Variants in NPAP1 observed in about 807,000 individuals in gnomAD.
The protein encoded by NPAP1 is nuclear pore associated protein 1.
For missense variants in NPAP1, 1,483 were observed against 1,454.5 expected (o/e 1.02, Z -0.32); for synonymous variants, 616 against 581.4 (o/e 1.06, Z -0.86).
At position 24,676,265 on chromosome 15, in the gene NPAP1, C is replaced by T. The variant is rs144485323; in HGVS notation, c.398C>T (p.Pro133Leu). Residue 133 changes from proline (P) to leucine (L), a missense_variant, in exon 1 of 1, where the codon CCG becomes CTG. Coordinates refer to ENST00000329468, the MANE Select transcript of NPAP1 (RefSeq NM_018958.3). ...CTCCTGCTGCCTTCACCACGTGAGCCGGCGGTCAAGGCCAGGAAGCCCATC... is the reference window on the plus strand; with the variant it reads ...CTCCTGCTGCCTTCACCACGTGAGCTGGCGGTCAAGGCCAGGAAGCCCATC... ...FTLLLPSPREPAVKARKPIPA... is the reference protein window; with the variant it reads ...FTLLLPSPRELAVKARKPIPA... 1.1e-4 allele frequency: 160 copies of T among 1,519,118 alleles called. No individual in the cohort carries two copies. Among genetic ancestry groups the T allele is most frequent in the African/African-American group, 6.0e-4 (43 of 71,752 alleles). 94.1% of individuals were successfully genotyped at this position (1,519,118 alleles called of 1,614,324 possible).
chr15:24,682,665 TTA>T lies in NPAP1; in HGVS notation c.*3329_*3330del, dbSNP rs1245430843. ...TGAGTTTGCTTTTTTACTTCAACTA[TTA>T]TGTTATCTTACAGATGTCATTGTTT... On this transcript the variant is annotated 3_prime_UTR_variant, in exon 1 of 1. Transcript: ENST00000329468. 7.8e-5 allele frequency: 13 copies of T among 167,074 alleles called. No individual in the cohort carries two copies. Among genetic ancestry groups the T allele is most frequent in the Non-Finnish European group, 1.5e-4 (10 of 68,110 alleles). 10.3% of individuals were successfully genotyped at this position (167,074 alleles called of 1,614,324 possible).
chr15:24,677,123 A>G lies in NPAP1; in HGVS notation c.1256A>G (p.Gln419Arg), dbSNP rs2141309642. The G allele has an allele frequency of 6.2e-7, 1 of 1,614,056 alleles. No homozygotes were observed. Among genetic ancestry groups the G allele is most frequent in the African/African-American group, 1.3e-5 (1 of 75,016 alleles). The change falls in exon 1 of 1, where the codon CAG becomes CGG. Residue 419 changes from glutamine (Q) to arginine (R), a missense_variant. Transcript: ENST00000329468. ...DSLPLTTYTSQVSAPLPIPDL... is the reference protein window; with the variant it reads ...DSLPLTTYTSRVSAPLPIPDL... ...CTGCCCCTGACCACTTACACTTCCC[A>G]GGTCTCAGCTCCTTTGCCCATCCCT...
rs768691455 is a variant in NPAP1, at chr15:24,676,150, A to G, written c.283A>G (p.Arg95Gly). ...LPAVGWGLAI[R>G]KTPMLPARNP... ...GGCTGTGGGTTGGGGGCTGGCCATCAGGAAGACACCCATGCTGCCTGCTCG... is the reference window on the plus strand; with the variant it reads ...GGCTGTGGGTTGGGGGCTGGCCATCGGGAAGACACCCATGCTGCCTGCTCG... The change falls in exon 1 of 1, where the codon AGG becomes GGG. Residue 95 changes from arginine (R) to glycine (G), a missense_variant. Arg to Gly is a moderately radical substitution (Grantham distance 125). Coordinates refer to ENST00000329468, the MANE Select transcript of NPAP1 (RefSeq NM_018958.3). 1 of 1,575,632 alleles carries G rather than the reference A, an allele frequency of 6.3e-7. No homozygotes were observed. Among genetic ancestry groups the G allele is most frequent in the South Asian group, 1.2e-5 (1 of 85,130 alleles).
Position 24,676,165 on chromosome 15 carries a change from C to A in NPAP1, c.298C>A (p.Leu100Met), listed in dbSNP as rs34414968. The A allele has an allele frequency of 1.9e-6, 3 of 1,577,776 alleles. No homozygotes were observed. The highest frequency in any genetic ancestry group is 1.7e-4 in the Middle Eastern group (1 of 5,860). Residue 100 changes from leucine to methionine, a missense_variant, in exon 1 of 1, where the codon CTG becomes ATG. Leu to Met is a conservative substitution (Grantham distance 15, BLOSUM62 2). Coordinates refer to ENST00000329468, the MANE Select transcript of NPAP1 (RefSeq NM_018958.3). ...WGLAIRKTPM[L>M]PARNPPRFGH... ...GCTGGCCATCAGGAAGACACCCATG[C>A]TGCCTGCTCGGAACCCCCCGAGGTT...
At position 24,679,264 on chromosome 15, in the gene NPAP1, T is replaced by C. The variant is rs748543221; in HGVS notation, c.3397T>C (p.Phe1133Leu). ...GCAGCACACATGGACAGAGAGAAAATTCTACACTTCAAGCACCCACTACTA... is the reference window on the plus strand; with the variant it reads ...GCAGCACACATGGACAGAGAGAAAACTCTACACTTCAAGCACCCACTACTA... ...ILQHTWTERK[F>L]YTSSTHYYGQ... Residue 1133 changes from phenylalanine to leucine, a missense_variant, in exon 1 of 1, where the codon TTC (phenylalanine) becomes CTC (leucine). Physicochemically the swap from Phe to Leu is conservative, Grantham distance 22. Coordinates refer to ENST00000329468, the MANE Select transcript of NPAP1 (RefSeq NM_018958.3). 3 of 1,613,850 alleles carry C rather than the reference T, an allele frequency of 1.9e-6. No individual in the cohort carries two copies. In the East Asian group the frequency reaches 6.7e-5, roughly 36 times the overall value.
In NPAP1 at chr15:24,677,253, T is replaced by C; in HGVS notation, c.1386T>C (p.Pro462=). 6.2e-7 allele frequency: 1 copy of C among 1,614,086 alleles called. No individual in the cohort carries two copies. Residue 462 remains proline (P), a synonymous_variant, in exon 1 of 1, where the codon CCT becomes CCC. Transcript: ENST00000329468. ...EKIAFTIPNS[P]LALPADLVPI... ...TAGCATTCACAATCCCTAACTCTCCTCTGGCTCTTCCTGCTGACCTTGTTC... is the reference window on the plus strand; with the variant it reads ...TAGCATTCACAATCCCTAACTCTCCCCTGGCTCTTCCTGCTGACCTTGTTC...
Position 24,680,810 on chromosome 15 carries a change from C to T in NPAP1, c.*1472C>T, listed in dbSNP as rs991378097. The stretch of plus-strand genomic sequence containing the variant: ...TTCCCGACTTTGTGGACCCTATATT[C>T]TAGTTGAAGGGGAGAAAAGAAGCAA... On this transcript the variant is annotated 3_prime_UTR_variant, in exon 1 of 1. Transcript: ENST00000329468. 1 of 166,718 alleles carries T rather than the reference C, an allele frequency of 6.0e-6. No homozygotes were observed. Among genetic ancestry groups the T allele is most frequent in the Admixed American group, 6.6e-5 (1 of 15,248 alleles). 10.3% of individuals were successfully genotyped at this position (166,718 alleles called of 1,614,324 possible).
At position 24,676,857 on chromosome 15, in the gene NPAP1, G is replaced by T. The variant is rs768538805; in HGVS notation, c.990G>T (p.Met330Ile). ...AARNRPCKRK[M>I]SIPLLLPLPP... ...GCAACAGGCCCTGCAAAAGGAAAAT[G>T]TCGATTCCATTGCTGCTGCCGCTGC... The change falls in exon 1 of 1, where the codon ATG (methionine) becomes ATT (isoleucine). Residue 330 changes from methionine to isoleucine, a missense_variant. Coordinates refer to ENST00000329468, the MANE Select transcript of NPAP1 (RefSeq NM_018958.3). 6.2e-7 allele frequency: 1 copy of T among 1,613,094 alleles called. No individual in the cohort carries two copies. Among genetic ancestry groups the T allele is most frequent in the African/African-American group, 1.3e-5 (1 of 74,910 alleles).
chr15:24,678,094 C>T, the NPAP1 span: 2 of 1,613,650 alleles, frequency 1.2e-6, no homozygotes, highest in Non-Finnish European at 1.7e-6. Flanking sequence ...TGCCTCAGTC[C>T]AAGGCTCCAC....
rs751230265 is a variant in NPAP1 at position 24,675,956 on chromosome 15, G to A, written c.89G>A (p.Arg30Gln). 1 of 1,590,616 alleles carries A rather than the reference G, an allele frequency of 6.3e-7. No homozygotes were observed. The highest frequency in any genetic ancestry group is 8.5e-7 in the Non-Finnish European group (1 of 1,170,834). The change falls in exon 1 of 1, where the codon CGG becomes CAG. Residue 30 changes from arginine (R) to glutamine (Q), a missense_variant. By Grantham distance (43) the Arg-to-Gln change is conservative. Coordinates refer to ENST00000329468, the MANE Select transcript of NPAP1 (RefSeq NM_018958.3). ...PGRGAPAPLSRDASPPGRAHS... is the reference protein window; with the variant it reads ...PGRGAPAPLSQDASPPGRAHS... Reference sequence around the variant, plus strand: ...CGTGGCGCCCCCGCTCCCCTGTCCCGGGACGCCTCCCCGCCCGGTCGGGCT... The same window carrying A: ...CGTGGCGCCCCCGCTCCCCTGTCCCAGGACGCCTCCCCGCCCGGTCGGGCT...
rs2048987777 is a variant in NPAP1, at chr15:24,677,857, G to A, written c.1990G>A (p.Ala664Thr). 1 of 1,613,762 alleles carries A rather than the reference G, an allele frequency of 6.2e-7. No individual in the cohort carries two copies. The highest frequency in any genetic ancestry group is 1.1e-5 in the South Asian group (1 of 91,068). Residue 664 changes from alanine (A) to threonine (T), a missense_variant, in exon 1 of 1, where the codon GCC (alanine) becomes ACC (threonine). Ala to Thr is a moderately conservative substitution (Grantham distance 58, BLOSUM62 0). Transcript: ENST00000329468. ...GCCGCAGAAAGCTTCTCTCCCCAGT[G>A]CCTGTGTTTTCCTGAGCCTTCCCAT... ...GQPQKASLPS[A>T]CVFLSLPIIP...
At position 24,677,694 on chromosome 15, in the gene NPAP1, A is replaced by G. The variant is rs2141310911; in HGVS notation, c.1827A>G (p.Ala609=). 3 of 1,614,232 alleles carry G rather than the reference A, an allele frequency of 1.9e-6. No individual in the cohort carries two copies. Among genetic ancestry groups the G allele is most frequent in the Non-Finnish European group, 2.5e-6 (3 of 1,180,034 alleles). Residue 609 remains alanine, a synonymous_variant, in exon 1 of 1, where the codon GCA becomes GCG. Coordinates refer to ENST00000329468, the MANE Select transcript of NPAP1 (RefSeq NM_018958.3). ...SLPNSQIHCS[A]EQRHPGKTSV... ...CAAATTCCCAAATACATTGCAGTGC[A>G]GAGCAGAGGCACCCGGGAAAGACAT...
rs2049017891 is a variant in NPAP1, at chr15:24,681,728, AG to A, written c.*2391del. 1 of 167,036 alleles carries A rather than the reference AG, an allele frequency of 6.0e-6. No individual in the cohort carries two copies. The highest frequency in any genetic ancestry group is 1.5e-5 in the Non-Finnish European group (1 of 68,126). The allele number at this position is 167,036 out of a possible 1,614,324, so 10.3% of individuals were successfully genotyped here. A position where few individuals can be genotyped will look rare whatever the true frequency, so the allele number is the denominator to read the frequency against. On this transcript the variant is annotated 3_prime_UTR_variant, in exon 1 of 1. Coordinates refer to ENST00000329468, the MANE Select transcript of NPAP1 (RefSeq NM_018958.3). ...ATAATTGAATGTTGTTTAAGCTACCAGTCTGTGGCATTTTTTGTAGCAATCA... is the reference window on the plus strand; with the variant it reads ...ATAATTGAATGTTGTTTAAGCTACCATCTGTGGCATTTTTTGTAGCAATCA...
chr15:24,676,069 CCTAAGAGGCCGTG>C, the NPAP1 span: 4 of 1,575,324 alleles, frequency 2.5e-6, no homozygotes, highest in Non-Finnish European at 3.4e-6. Flanking sequence ...CTTCGTCGCC[CCTAAGAGGCCGTG>C]TCCTCTCCCT....
chr15:24,676,705 G>T lies in NPAP1; in HGVS notation c.838G>T (p.Val280Leu). 1.2e-6 allele frequency: 2 copies of T among 1,614,108 alleles called. No individual in the cohort carries two copies. The highest frequency in any genetic ancestry group is 1.7e-6 in the Non-Finnish European group (2 of 1,180,048). ...GCTGCAGCAGAAGTTGGCTGCGGAA[G>T]TGCTGAATGAAGAGCCACCGCCCAG... The part of the protein sequence containing the change: ...SLLQQKLAAE[V>L]LNEEPPPSSL... The change falls in exon 1 of 1, where the codon GTG becomes TTG. Residue 280 changes from valine (V) to leucine (L), a missense_variant. Coordinates refer to ENST00000329468, the MANE Select transcript of NPAP1 (RefSeq NM_018958.3).
Position 24,680,636 on chromosome 15 carries a change from G to A in NPAP1, c.*1298G>A, listed in dbSNP as rs1000130451. On this transcript the variant is annotated 3_prime_UTR_variant, in exon 1 of 1. Transcript: ENST00000329468. ...TGTGTGTGTGTGTGTGTTTATTGGT[G>A]AGTGTGGAGCAGATGAGCCCAGTCA... 6.0e-6 allele frequency: 1 copy of A among 167,132 alleles called. No individual in the cohort carries two copies. 10.4% of individuals were successfully genotyped at this position (167,132 alleles called of 1,614,324 possible).
At position 24,676,745 on chromosome 15, in the gene NPAP1, C is replaced by G. The variant is rs569919445; in HGVS notation, c.878C>G (p.Pro293Arg). The change falls in exon 1 of 1, where the codon CCG (proline) becomes CGG (arginine). Residue 293 changes from proline (P) to arginine (R), a missense_variant. By Grantham distance (103) the Pro-to-Arg change is moderately radical. Transcript: ENST00000329468. ...EEPPPSSLGLPIPLMSGKRMP... is the reference protein window; with the variant it reads ...EEPPPSSLGLRIPLMSGKRMP... ...CCACCGCCCAGCTCCCTAGGCTTGC[C>G]GATTCCGCTGATGTCCGGAAAGAGG... is the stretch of plus-strand genomic sequence containing the variant. The G allele has an allele frequency of 1.9e-6, 3 of 1,613,936 alleles. No homozygotes were observed. Among genetic ancestry groups the G allele is most frequent in the Non-Finnish European group, 2.5e-6 (3 of 1,180,036 alleles).
chr15:24,679,582 T>A lies in NPAP1; in HGVS notation c.*244T>A. On this transcript the variant is annotated 3_prime_UTR_variant, in exon 1 of 1. Transcript: ENST00000329468. ...TGCATCTGCAGTGAATGGCAACATA[T>A]CTTTAATTAGAGGCCCTTGTGTATC... is the stretch of plus-strand genomic sequence containing the variant. The A allele has an allele frequency of 1.9e-6, 1 of 529,090 alleles. No homozygotes were observed. The highest frequency in any genetic ancestry group is 2.5e-5 in the South Asian group (1 of 40,418). 32.8% of individuals were successfully genotyped at this position (529,090 alleles called of 1,614,324 possible). A position where few individuals can be genotyped will look rare whatever the true frequency, so the allele number is the denominator to read the frequency against.
At position 24,681,808 on chromosome 15, in the gene NPAP1, G is replaced by GAT. The variant is rs71124293; in HGVS notation, c.*2471_*2472insTA. On this transcript the variant is annotated 3_prime_UTR_variant, in exon 1 of 1. Transcript: ENST00000329468. ...TAGATAGATACATAGATAGATGATAGAGATAGATGATAGATAGATAGATAG... is the reference window on the plus strand; with the variant it reads ...TAGATAGATACATAGATAGATGATAGATAGATAGATGATAGATAGATAGATAG... 4.2e-5 allele frequency: 5 copies of GAT among 120,236 alleles called. No homozygotes were observed. Among genetic ancestry groups the GAT allele is most frequent in the East Asian group, 3.0e-4 (1 of 3,350 alleles). 7.4% of individuals were successfully genotyped at this position (120,236 alleles called of 1,614,324 possible).
Sources: allele counts gnomAD v4.1 joint callset, GRCh38; gene constraint gnomAD v4.1.1; transcripts MANE v1.5; gene names NCBI Gene and HGNC (gene_info 2026-07-23, HGNC 2026-07-21).